SOX6: variants seen among roughly 807,000 people sequenced by gnomAD.
The protein encoded by SOX6 is transcription factor SOX-6.
SOX6 carries 11 observed loss-of-function variants against 97.8 expected under a neutral mutation model. That is an observed-to-expected ratio of 0.11 (90% CI 0.07 to 0.19). SOX6 has a LOEUF of 0.19. Among genes scored for constraint, SOX6 ranks in the 10% least tolerant of loss-of-function variants. The probability of loss-of-function intolerance (pLI) is 1.00; values close to 1 mark genes in which losing one functional copy is unlikely to be tolerated. For missense variants in SOX6, 810 were observed against 1,039.5 expected (o/e 0.78, Z 3.04); for synonymous variants, 360 against 371.4 (o/e 0.97, Z 0.35).
chr11:16,538,919 G>C (rs180815533), intron 4 of SOX6, among the ~76,000 whole-genome samples: 189 of 152,254 alleles, frequency 1.2e-3, no homozygotes, highest in Non-Finnish European at 1.4e-3. Flanking sequence ...AGATCAACGA[G>C]ACAGAAGGTT....
intron 1 of SOX6, chr11:16,402,654 C>A (rs776407810): frequency 6.2e-7 from 1 of 1,610,536 alleles, no homozygotes; most frequent in Admixed American, 1.7e-5. Context: ...TACAAACTCT[C>A]TTACCCCATT....
intron 4 of SOX6, among the ~76,000 whole-genome samples, chr11:16,498,601 G>C (rs1208315036): frequency 2.0e-5 from 3 of 152,078 alleles, no homozygotes; most frequent in South Asian, 2.1e-4. Flanking sequence ...TCAAAATAAA[G>C]GGATGGAGGA....
chr11:16,350,265 T>A (rs532247155), intron 1 of SOX6, among the ~76,000 whole-genome samples: 2 of 152,296 alleles, frequency 1.3e-5, no homozygotes, highest in East Asian at 3.9e-4. Flanking sequence ...GATGAAGACA[T>A]TGGTTGAACA....
At chr11:16,529,542 C>T (rs1430272540) in intron 4 of SOX6, among the ~76,000 whole-genome samples, 1 of 152,118 alleles carries the variant, frequency 6.6e-6, no homozygotes, top group Non-Finnish European at 1.5e-5. Flanking sequence ...CTATTCTCCT[C>T]TTCAACCTTG....
At chr11:16,530,942 A>T (rs972696464) in intron 4 of SOX6, among the ~76,000 whole-genome samples, 4 of 148,228 alleles carry the variant, frequency 2.7e-5, no homozygotes, top group African/African-American at 9.8e-5. Flanking sequence ...ATATATATAG[A>T]ATGTAAATAT....
chr11:16,489,881 T>C lies in SOX6; in HGVS notation n.610-13493A>G, dbSNP rs60762192. On this transcript the variant is annotated intron_variant and non_coding_transcript_variant, in intron 4 of 5. Coordinates refer to the SOX6 transcript ENST00000524520. Reference sequence around the variant, plus strand: ...AGGCAGATCTAGCTTCAAACCCTGGTTCTGACATTTGCTAGATATGTAACC... The same window carrying C: ...AGGCAGATCTAGCTTCAAACCCTGGCTCTGACATTTGCTAGATATGTAACC... 8.5e-3 allele frequency among the ~76,000 whole-genome samples: 1,289 copies of C among 152,208 alleles called. 18 individuals are homozygous for C. The highest frequency in any genetic ancestry group is 0.03 in the African/African-American group (1,234 of 41,556).
chr11:16,161,091 G>A (rs1850736420), intron 6 of SOX6, among the ~76,000 whole-genome samples: 1 of 151,992 alleles, frequency 6.6e-6, no homozygotes, highest in East Asian at 1.9e-4. Context: ...TGGAGCATTT[G>A]CCAGTTTCCA....
chr11:16,532,200 C>T (rs550988204), intron 4 of SOX6, among the ~76,000 whole-genome samples: 76 of 151,828 alleles, frequency 5.0e-4, no homozygotes, highest in African/African-American at 1.7e-3. Flanking sequence ...CCTATACTTC[C>T]TCTTCAAATT....
intron 2 of SOX6, among the ~76,000 whole-genome samples, chr11:16,320,434 C>T (rs1855883171): frequency 6.6e-6 from 1 of 152,024 alleles, no homozygotes. Context: ...TCAACAAATG[C>T]TAGGTATTTC....
At chr11:16,252,809 C>T (rs2134202063) in intron 3 of SOX6, among the ~76,000 whole-genome samples, 1 of 152,232 alleles carries the variant, frequency 6.6e-6, no homozygotes, top group East Asian at 1.9e-4. Context: ...CAGCCCACTC[C>T]AGCCATCCTC....
At chr11:16,041,810 A>C (rs1422635239) in intron 12 of SOX6, among the ~76,000 whole-genome samples, 1 of 152,222 alleles carries the variant, frequency 6.6e-6, no homozygotes, top group African/African-American at 2.4e-5. Flanking sequence ...TCCAAAAATG[A>C]AAAAGAAATA....
chr11:16,056,286 A>T (rs1847813923), intron 9 of SOX6, among the ~76,000 whole-genome samples: 3 of 152,156 alleles, frequency 2.0e-5, no homozygotes. Context: ...TAATATTAAT[A>T]TTCATGAATT....
intron 4 of SOX6, among the ~76,000 whole-genome samples, chr11:16,221,537 T>A (rs1419548727): frequency 6.6e-6 from 1 of 152,130 alleles, no homozygotes; most frequent in East Asian, 1.9e-4. Flanking sequence ...GCTATTTGTA[T>A]ACAGCAACAC....
At chr11:16,372,343 A>G (rs1857512652) in intron 1 of SOX6, among the ~76,000 whole-genome samples, 1 of 152,106 alleles carries the variant, frequency 6.6e-6, no homozygotes, top group African/African-American at 2.4e-5. Context: ...AATATATAAT[A>G]GACATATGTA....
chr11:16,289,504 T>C (rs2134255939), intron 3 of SOX6, among the ~76,000 whole-genome samples: 1 of 152,160 alleles, frequency 6.6e-6, no homozygotes, highest in Non-Finnish European at 1.5e-5. Context: ...GTCAGATTGC[T>C]ATGCCTAAAG....
chr11:16,334,260 T>C (rs76428403), intron 2 of SOX6, among the ~76,000 whole-genome samples: 2,798 of 152,222 alleles, frequency 0.018, 88 homozygotes, highest in African/African-American at 0.063. Flanking sequence ...ATGCAAAAAG[T>C]CTTTGCACAG....
At chr11:16,014,083 G>A (rs1377827992) in intron 13 of SOX6, among the ~76,000 whole-genome samples, 4 of 151,986 alleles carry the variant, frequency 2.6e-5, no homozygotes, top group African/African-American at 9.7e-5. Flanking sequence ...TTCTGCCAAA[G>A]GAACAGCTAA....
At chr11:16,206,959 T>C (rs1348237050) in intron 4 of SOX6, among the ~76,000 whole-genome samples, 2 of 152,162 alleles carry the variant, frequency 1.3e-5, no homozygotes, top group Non-Finnish European at 2.9e-5. Context: ...ATGATATACA[T>C]AGCACTTCAT....
chr11:16,725,099 T>G (rs940743522), intron 2 of SOX6, among the ~76,000 whole-genome samples: 2 of 152,112 alleles, frequency 1.3e-5, no homozygotes, highest in South Asian at 4.1e-4. Context: ...TAGAAAAAAG[T>G]AGAAACAACC....
Sources: allele counts gnomAD v4.1 joint callset (sites outside exome capture counted in the v4.1 genomes callset), GRCh38; gene constraint gnomAD v4.1.1; transcripts MANE v1.5; gene names NCBI Gene and HGNC (gene_info 2026-07-23, HGNC 2026-07-21).